PAPPA2: variants seen among roughly 807,000 people sequenced by gnomAD.
PAPPA2 encodes the protein pappalysin 2.
Under a neutral mutation model 176.4 loss-of-function variants are expected in PAPPA2, and 86 were observed. The observed-to-expected ratio is 0.49, with a 90% CI of 0.41 to 0.58. PAPPA2 has a LOEUF of 0.58. Ranked by LOEUF, PAPPA2 falls within the 20% of genes least tolerant of loss-of-function variation. PAPPA2 has a pLI of 0.00. For missense variants in PAPPA2, 2,073 were observed against 2,256.9 expected, an observed-to-expected ratio of 0.92 and a Z score of 1.65; for synonymous variants, 809 against 852.2, an observed-to-expected ratio of 0.95 and a Z score of 0.88.
At chr1:176,716,618 T>TTG (rs1225124177) in intron 12 of PAPPA2, among the ~76,000 whole-genome samples, 7 of 145,748 alleles carry the variant, frequency 4.8e-5, no homozygotes, top group Admixed American at 1.4e-4. Flanking sequence ...TTTTTTTTTT[T>TTG]TTTTGTTTTT....
At chr1:176,760,241 G>A (rs992800508) in intron 14 of PAPPA2, among the ~76,000 whole-genome samples, 5 of 152,096 alleles carry the variant, frequency 3.3e-5, no homozygotes, top group African/African-American at 1.2e-4. Context: ...TGTATTCAAA[G>A]TTTCTTCAGA....
intron 1 of PAPPA2, among the ~76,000 whole-genome samples, chr1:176,529,954 A>AT: frequency 6.6e-6 from 1 of 152,278 alleles, no homozygotes; most frequent in Non-Finnish European, 1.5e-5. Flanking sequence ...AGCAATACCA[A>AT]TGGACTGGAG....
chr1:176,580,496 C>T (rs1427120438), intron 2 of PAPPA2, among the ~76,000 whole-genome samples: 1 of 152,112 alleles, frequency 6.6e-6, no homozygotes, highest in Non-Finnish European at 1.5e-5. Flanking sequence ...TGCATAAATG[C>T]CCAGTAATAG....
At chr1:176,503,689 T>A (rs1648091983) in intron 1 of PAPPA2, among the ~76,000 whole-genome samples, 2 of 152,172 alleles carry the variant, frequency 1.3e-5, no homozygotes, top group South Asian at 4.1e-4. Flanking sequence ...GCTCCAATAT[T>A]GTGAAGTGAA....
chr1:176,840,043 T>C (rs1667425383), intron 21 of PAPPA2, 130 bp from the exon 22 acceptor site: 1 of 692,794 alleles, frequency 1.4e-6, no homozygotes, highest in Non-Finnish European at 2.5e-6. Flanking sequence ...TCAATTTGTG[T>C]CCTGCACCTT....
intron 15 of PAPPA2, among the ~76,000 whole-genome samples, chr1:176,766,526 G>A (rs944150729): frequency 6.6e-6 from 1 of 152,106 alleles, no homozygotes; most frequent in East Asian, 1.9e-4. Context: ...CCTTAAGCTT[G>A]TTTTCACATT....
intron 3 of PAPPA2, among the ~76,000 whole-genome samples, chr1:176,647,117 A>G (rs1303703444): frequency 1.3e-5 from 2 of 151,380 alleles, no homozygotes; most frequent in Non-Finnish European, 3.0e-5. Context: ...ACTAGGGTGA[A>G]ATAATCTCCT....
chr1:176,838,263 T>A (rs1327087357), intron 21 of PAPPA2, among the ~76,000 whole-genome samples: 1 of 152,192 alleles, frequency 6.6e-6, no homozygotes, highest in Non-Finnish European at 1.5e-5. Context: ...TACTAACCCA[T>A]TCAAATATTT....
chr1:176,678,356 T>A (rs1659411829), intron 4 of PAPPA2, among the ~76,000 whole-genome samples: 1 of 152,126 alleles, frequency 6.6e-6, no homozygotes, highest in South Asian at 2.1e-4. Context: ...AAATTTACTT[T>A]CGTAAGTGTC....
At chr1:176,822,924 T>C (rs868619791) in intron 21 of PAPPA2, among the ~76,000 whole-genome samples, 13 of 152,222 alleles carry the variant, frequency 8.5e-5, no homozygotes, top group Middle Eastern at 3.2e-3. Flanking sequence ...CGCAGTACCT[T>C]ATCAAATTAA....
intron 21 of PAPPA2, among the ~76,000 whole-genome samples, chr1:176,809,571 C>T (rs1327015470): frequency 6.6e-6 from 1 of 152,100 alleles, no homozygotes; most frequent in Non-Finnish European, 1.5e-5. Context: ...CACTCATGGG[C>T]ACTGCCTGCT....
intron 3 of PAPPA2, among the ~76,000 whole-genome samples, chr1:176,638,370 T>G (rs1656852078): frequency 6.6e-6 from 1 of 151,884 alleles, no homozygotes; most frequent in African/African-American, 2.4e-5. Flanking sequence ...AAAAAAAAAC[T>G]GAGTGGCAAG....
chr1:176,464,581 A>G (rs1255947384), intron 1 of PAPPA2, among the ~76,000 whole-genome samples: 1 of 152,166 alleles, frequency 6.6e-6, no homozygotes, highest in African/African-American at 2.4e-5. Flanking sequence ...GAGGTACGAT[A>G]TTGGGTGTTG....
At chr1:176,740,949 T>A (rs966900312) in intron 14 of PAPPA2, among the ~76,000 whole-genome samples, 1 of 152,092 alleles carries the variant, frequency 6.6e-6, no homozygotes, top group African/African-American at 2.4e-5. Flanking sequence ...ATGATCCTAG[T>A]GACAAAAGCT....
At chr1:176,765,368 T>G (rs1663914372) in intron 14 of PAPPA2, among the ~76,000 whole-genome samples, 1 of 152,206 alleles carries the variant, frequency 6.6e-6, no homozygotes, top group South Asian at 2.1e-4. Context: ...TCTATTCATT[T>G]CTGAGCCACA....
intron 14 of PAPPA2, among the ~76,000 whole-genome samples, chr1:176,761,409 A>G (rs887633593): frequency 6.6e-5 from 10 of 152,292 alleles, no homozygotes; most frequent in African/African-American, 2.4e-4. Context: ...TGGGGTGGGG[A>G]AAGAGCTGGA....
At position 176,706,431 on chromosome 1, in the gene PAPPA2, G is replaced by A. The variant is rs757041747; in HGVS notation, c.3438G>A (p.Glu1146=). Residue 1146 remains glutamate, a synonymous_variant, in exon 10 of 23, where the codon GAG becomes GAA. Coordinates refer to ENST00000367662, the MANE Select transcript of PAPPA2 (RefSeq NM_020318.3). Reference sequence around the variant, plus strand: ...GCTGCTCCAAGGTGTGTGAGCTGGAGGAAGGTTTCAACTGTGTAGGTAAGT... The same window carrying A: ...GCTGCTCCAAGGTGTGTGAGCTGGAAGAAGGTTTCAACTGTGTAGGTAAGT... ...GDGCSKVCEL[E]EGFNCVGEPS... The A allele has an allele frequency of 8.7e-6, 14 of 1,613,698 alleles. No individual in the cohort carries two copies. The highest frequency in any genetic ancestry group is 1.2e-5 in the Non-Finnish European group (14 of 1,179,732).
intron 1 of PAPPA2, among the ~76,000 whole-genome samples, chr1:176,469,415 C>T (rs1047839344): frequency 6.6e-6 from 1 of 152,100 alleles, no homozygotes; most frequent in African/African-American, 2.4e-5. Context: ...CTATAACACA[C>T]ACACCCCTCT....
intron 3 of PAPPA2, among the ~76,000 whole-genome samples, chr1:176,651,371 T>C (rs1183362592): frequency 1.3e-5 from 2 of 151,622 alleles, no homozygotes; most frequent in Non-Finnish European, 3.0e-5. Context: ...CTGTCCTTCA[T>C]ATATGAAGGA....
Sources: allele counts gnomAD v4.1 joint callset (sites outside exome capture counted in the v4.1 genomes callset), GRCh38; gene constraint gnomAD v4.1.1; transcripts MANE v1.5; gene names NCBI Gene and HGNC (gene_info 2026-07-23, HGNC 2026-07-21).